RUNX3: variants seen among roughly 807,000 people sequenced by gnomAD.
RUNX3 encodes the protein RUNX family transcription factor 3, also known as runt-related transcription factor 3.
Under a neutral mutation model 27.7 loss-of-function variants are expected in RUNX3, and 10 were observed. The ratio of observed to expected loss-of-function variants is 0.36; its 90% CI spans 0.22 to 0.61. The LOEUF is 0.61. RUNX3 is among the 20% of genes least tolerant of loss of function. The pLI, the probability that RUNX3 is intolerant of heterozygous loss-of-function variation, is 0.72. For synonymous variants in RUNX3, 270 were observed against 269.2 expected (o/e 1.00, Z -0.03); for missense variants, 469 against 629.5 (o/e 0.75, Z 2.73).
At chr1:24,903,223 G>T (rs574121027) in intron 4 of RUNX3, among the ~76,000 whole-genome samples, 1 of 152,320 alleles carries the variant, frequency 6.6e-6, no homozygotes, top group Non-Finnish European at 1.5e-5. Context: ...TCATCACAAG[G>T]CCTCTGCTGG....
chr1:24,929,110 C>G (rs763353502), intron 1 of RUNX3: 4 of 460,092 alleles, frequency 8.7e-6, no homozygotes, highest in Non-Finnish European at 1.7e-5. Flanking sequence ...TAGCGCCGTC[C>G]GGTAAAATTT....
upstream of RUNX3, among the ~76,000 whole-genome samples, chr1:24,934,890 A>G (rs1242064417): frequency 2.0e-5 from 3 of 152,132 alleles, no homozygotes; most frequent in African/African-American, 7.2e-5. Flanking sequence ...GGGCTTGGAA[A>G]TCAGTAAACT....
upstream of RUNX3, chr1:24,930,292 C>G (rs1641193749): frequency 5.2e-6 from 5 of 970,290 alleles, no homozygotes; most frequent in Non-Finnish European, 6.1e-6. The surrounding 1 kb of genome is among the most constrained non-coding windows in gnomAD (Gnocchi z 4.1). Flanking sequence ...CGCGGCCGCC[C>G]GCGCGGGGTT....
chr1:24,941,781 C>T (rs989547993), intron 2 of RUNX3, among the ~76,000 whole-genome samples: 7 of 152,244 alleles, frequency 4.6e-5, no homozygotes, highest in East Asian at 1.9e-4. Flanking sequence ...CCTGAGTCCC[C>T]GCCTCCTTAC....
chr1:24,915,077 A>G (rs751250398), intron 3 of RUNX3, among the ~76,000 whole-genome samples: 1 of 152,256 alleles, frequency 6.6e-6, no homozygotes, highest in Non-Finnish European at 1.5e-5. Flanking sequence ...CTCAGGGTCT[A>G]GCTATACCAG....
In RUNX3 at chr1:24,902,251, G is replaced by A. The variant is rs148254134; in HGVS notation, c.1119C>T (p.Ala373=). Residue 373 remains alanine (A), a synonymous_variant, in exon 5 of 5, where the codon GCC becomes GCT. Transcript: ENST00000308873. This position sits in a 1 kb window ranked among gnomAD's most constrained non-coding sequence, Gnocchi z 9.2. ...SCTSSAASVA[A]GNLMNPSLGG... ...CCAGGCTGGGGTTCATGAGGTTGCCGGCGGCGACAGAGGCAGCGCTGCTGG... is the reference window on the plus strand; with the variant it reads ...CCAGGCTGGGGTTCATGAGGTTGCCAGCGGCGACAGAGGCAGCGCTGCTGG... 4 of 1,584,404 alleles carry A rather than the reference G, an allele frequency of 2.5e-6. No individual in the cohort carries two copies. Among genetic ancestry groups the A allele is most frequent in the Middle Eastern group, 1.9e-4 (1 of 5,248 alleles).
rs1231346622 is a variant in RUNX3 at position 24,927,873 on chromosome 1, G to A, written c.283-143C>T. 1.5e-6 allele frequency: 1 copy of A among 673,358 alleles called. No homozygotes were observed. Among genetic ancestry groups the A allele is most frequent in the African/African-American group, 1.8e-5 (1 of 55,582 alleles). The allele number at this position is 673,358 out of a possible 1,614,324, so 41.7% of individuals were successfully genotyped here. A position where few individuals can be genotyped will look rare whatever the true frequency, so the allele number is the denominator to read the frequency against. On this transcript the variant is annotated intron_variant, in intron 1 of 4. Coordinates refer to ENST00000308873, the MANE Select transcript of RUNX3 (RefSeq NM_004350.3). This position sits in a 1 kb window ranked among gnomAD's most constrained non-coding sequence, Gnocchi z 5.0. ...TTTCTCCAATGCAGGGTGGAGAAGA[G>A]GCTTAAAAACAATAAAGACCTTCCC...
In RUNX3 at chr1:24,907,373, G is replaced by A. The variant is rs1211732134; in HGVS notation, c.589C>T (p.Arg197Cys). 4.3e-6 allele frequency: 7 copies of A among 1,613,944 alleles called. No individual in the cohort carries two copies. Among genetic ancestry groups the A allele is most frequent in the Non-Finnish European group, 5.9e-6 (7 of 1,180,020 alleles). Residue 197 changes from arginine (R) to cysteine (C), a missense_variant, in exon 4 of 5, where the codon CGC becomes TGC. Physicochemically the swap from Arg to Cys is radical, Grantham distance 180. Coordinates refer to ENST00000308873, the MANE Select transcript of RUNX3 (RefSeq NM_004350.3). ...LEDQTKPFPD[R>C]FGDLERLRMR... Reference sequence around the variant, plus strand: ...CGCAGCCGTTCCAGGTCCCCAAAGCGGTCAGGGAACGGCTTGGTCTGGTCC... The same window carrying A: ...CGCAGCCGTTCCAGGTCCCCAAAGCAGTCAGGGAACGGCTTGGTCTGGTCC...
intron 2 of RUNX3, among the ~76,000 whole-genome samples, chr1:24,919,758 C>T (rs144147905): frequency 2.0e-5 from 3 of 151,866 alleles, no homozygotes; most frequent in Non-Finnish European, 2.9e-5. Context: ...AGACACCCCC[C>T]CCCCACGGTT....
Position 24,913,297 on chromosome 1 carries a change from T to A in RUNX3, c.545-5880A>T, listed in dbSNP as rs1324972280. Among the ~76,000 whole-genome samples, 8 of 152,302 alleles carry A rather than the reference T, an allele frequency of 5.3e-5. No individual in the cohort carries two copies. The East Asian group carries it at 1.5e-3, about 29-fold the overall frequency. ...TGGATTAGTGTCTATGACCCTCACT[T>A]ATGGGAGGGCAGATCCCAGCCTGCC... On this transcript the variant is annotated intron_variant, in intron 3 of 4. Transcript: ENST00000308873.
At chr1:24,935,574 C>T (rs948503265) in intron 2 of RUNX3, among the ~76,000 whole-genome samples, 1 of 152,184 alleles carries the variant, frequency 6.6e-6, no homozygotes, top group African/African-American at 2.4e-5. Context: ...AGCAGAAAAA[C>T]CGTCTCCATC....
At chr1:24,922,428 C>A (rs1180251897) in intron 2 of RUNX3, among the ~76,000 whole-genome samples, 1 of 152,140 alleles carries the variant, frequency 6.6e-6, no homozygotes, top group East Asian at 1.9e-4. Context: ...GCATCACTCT[C>A]AAGTACGAGC....
At chr1:24,964,360 C>T (rs1413501283) in intron 2 of RUNX3, among the ~76,000 whole-genome samples, 1 of 152,192 alleles carries the variant, frequency 6.6e-6, no homozygotes, top group Non-Finnish European at 1.5e-5. Flanking sequence ...CCACAGAGAC[C>T]ACCAACCCCT....
chr1:24,953,120 A>C (rs1641809223), intron 2 of RUNX3, among the ~76,000 whole-genome samples: 1 of 152,142 alleles, frequency 6.6e-6, no homozygotes, highest in African/African-American at 2.4e-5. Context: ...CAATCCCATC[A>C]CTTTGGGAGG....
upstream of RUNX3, among the ~76,000 whole-genome samples, chr1:24,930,686 C>T (rs1641207369): frequency 6.6e-6 from 1 of 152,266 alleles, no homozygotes; most frequent in East Asian, 1.9e-4. This position sits in a 1 kb window ranked among gnomAD's most constrained non-coding sequence, Gnocchi z 4.1. Flanking sequence ...CTTCTGCAAC[C>T]CCGGGCTGGG....
chr1:24,917,427 A>C (rs1259188599), intron 3 of RUNX3, among the ~76,000 whole-genome samples: 1 of 152,176 alleles, frequency 6.6e-6, no homozygotes, highest in Non-Finnish European at 1.5e-5. Flanking sequence ...TGAGGACGAC[A>C]AAACGCTGCG....
intron 2 of RUNX3, among the ~76,000 whole-genome samples, chr1:24,953,645 T>C (rs961640098): frequency 3.9e-5 from 6 of 152,172 alleles, no homozygotes; most frequent in Admixed American, 2.6e-4. Flanking sequence ...GACGGTGCCG[T>C]TCTAGATTCT....
intron 2 of RUNX3, among the ~76,000 whole-genome samples, chr1:24,948,155 G>A (rs942816501): frequency 1.3e-5 from 2 of 152,164 alleles, no homozygotes; most frequent in East Asian, 1.9e-4. Context: ...AGGTGTCTGG[G>A]GACCCCCAGG....
chr1:24,911,193 T>C (rs956929217), intron 3 of RUNX3, among the ~76,000 whole-genome samples: 1 of 152,256 alleles, frequency 6.6e-6, no homozygotes, highest in African/African-American at 2.4e-5. Flanking sequence ...GACCACAGAC[T>C]GATCCGACAA....
Sources: gnomAD v4.1 joint callset for allele counts (sites outside exome capture counted in the v4.1 genomes callset) on GRCh38, gnomAD v4.1.1 for gene constraint, Gnocchi (gnomAD v3.1) non-coding constraint, MANE v1.5 for transcripts, NCBI Gene and HGNC (gene_info 2026-07-23, HGNC 2026-07-21) for gene names.